PRRC2B: variants seen among roughly 807,000 people sequenced by gnomAD.
The protein encoded by PRRC2B is proline rich coiled-coil 2B, also known as protein PRRC2B.
Under a neutral mutation model 242.3 loss-of-function variants are expected in PRRC2B, and 68 were observed. The ratio of observed to expected loss-of-function variants is 0.28; its 90% CI spans 0.23 to 0.34. PRRC2B has a LOEUF of 0.34. Among genes scored for constraint, PRRC2B ranks in the 10% least tolerant of loss-of-function variants. The pLI is 1.00. For synonymous variants in PRRC2B, 1,228 were observed against 1,173.6 expected (o/e 1.05, Z -0.95); for missense variants, 2,835 against 2,954.8 (o/e 0.96, Z 0.94).
At chr9:131,432,041 A>G (rs1258007138) in intron 2 of PRRC2B, among the ~76,000 whole-genome samples, 15 of 150,828 alleles carry the variant, frequency 9.9e-5, no homozygotes, top group Admixed American at 9.9e-4. Flanking sequence ...CGATCTACCC[A>G]CCTCGGCCTC....
At position 131,483,535 on chromosome 9, in the gene PRRC2B, C is replaced by A. The variant is rs1943933061; in HGVS notation, c.5460+90C>A. On this transcript the variant is annotated intron_variant, in intron 23 of 31. Coordinates refer to ENST00000683519, the MANE Select transcript of PRRC2B (RefSeq NM_013318.4). The stretch of plus-strand genomic sequence containing the variant: ...AGACAGCACATGTATTTCAGGCTGA[C>A]CTGGGCTGGCACGTGACTCAGTTGC... 2.6e-6 allele frequency: 3 copies of A among 1,153,004 alleles called. No individual in the cohort carries two copies. In the East Asian group the frequency reaches 7.0e-5, roughly 27 times the overall value. 71.4% of individuals were successfully genotyped at this position (1,153,004 alleles called of 1,614,324 possible).
intron 1 of PRRC2B, among the ~76,000 whole-genome samples, chr9:131,379,988 A>G (rs1233178821): frequency 1.4e-5 from 2 of 139,320 alleles, no homozygotes; most frequent in East Asian, 4.4e-4. Context: ...ATTTATATAT[A>G]TATAATAATT....
chr9:131,399,922 T>C (rs564042230), intron 1 of PRRC2B, among the ~76,000 whole-genome samples: 174 of 152,308 alleles, frequency 1.1e-3, no homozygotes, highest in Non-Finnish European at 1.1e-3. Flanking sequence ...AGGGAGCATC[T>C]CGGCATGTTA....
At chr9:131,389,221 C>T (rs543376566), upstream of PRRC2B, among the ~76,000 whole-genome samples, 21 of 146,236 alleles carry the variant, frequency 1.4e-4, no homozygotes, top group Admixed American at 2.9e-4. Flanking sequence ...GCTGGGATCA[C>T]GGCTTACCAC....
intron 1 of PRRC2B, among the ~76,000 whole-genome samples, chr9:131,375,561 A>G (rs1427626797): frequency 6.6e-6 from 1 of 152,160 alleles, no homozygotes; most frequent in Non-Finnish European, 1.5e-5. Flanking sequence ...GTTGTCTCAG[A>G]GCAGGTAGGA....
intron 1 of PRRC2B, among the ~76,000 whole-genome samples, chr9:131,387,382 G>A (rs1836839684): frequency 7.5e-6 from 1 of 132,592 alleles, no homozygotes; most frequent in Non-Finnish European, 1.7e-5. Flanking sequence ...GATTAAGGGT[G>A]GGTCTGCCTT....
chr9:131,443,259 G>A (rs1369617457), intron 5 of PRRC2B, among the ~76,000 whole-genome samples: 4 of 151,142 alleles, frequency 2.6e-5, no homozygotes, highest in Non-Finnish European at 4.4e-5. Context: ...TCAGCCTCCC[G>A]AGTAGCTGGG....
rs552751144 is a variant in PRRC2B, at chr9:131,467,298, G to T, written c.1721-265G>T. Among the ~76,000 whole-genome samples the T allele has an allele frequency of 3.3e-5, 5 of 152,114 alleles. No homozygotes were observed. In the East Asian group the frequency reaches 5.8e-4, roughly 18 times the overall value. The stretch of plus-strand genomic sequence containing the variant: ...TCACATCTCAGCTCTGCCACTGACC[G>T]TGTGACCCTGGACGTCATCTAACCT... On this transcript the variant is annotated intron_variant, in intron 12 of 31. Transcript: ENST00000683519.
intron 15 of PRRC2B, 25 bp downstream of exon 15, chr9:131,473,749 C>T (rs768267074): frequency 1.9e-6 from 3 of 1,586,822 alleles, no homozygotes; most frequent in South Asian, 2.2e-5. Flanking sequence ...GGTCCTGCTG[C>T]CTTGCCACTG....
At position 131,492,369 on chromosome 9, in the gene PRRC2B, T is replaced by C. The variant is rs1944220824; in HGVS notation, c.6473+109T>C. ...CCAGGGAGAGCCGCCAGAGACCTGG[T>C]CCCTCTATGGGCCATGTGTCACTGT... On this transcript the variant is annotated intron_variant, in intron 30 of 31. Coordinates refer to ENST00000683519, the MANE Select transcript of PRRC2B (RefSeq NM_013318.4). The C allele has an allele frequency of 7.5e-6, 6 of 799,084 alleles. No individual in the cohort carries two copies. In the East Asian group the frequency reaches 1.5e-4, roughly 20 times the overall value. The allele number at this position is 799,084 out of a possible 1,614,324, so 49.5% of individuals were successfully genotyped here. A position where few individuals can be genotyped will look rare whatever the true frequency, so the allele number is the denominator to read the frequency against.
At chr9:131,447,844 A>G (rs1477847543) in intron 9 of PRRC2B, 40 bp downstream of exon 9, 3 of 1,589,924 alleles carry the variant, frequency 1.9e-6, no homozygotes, top group Middle Eastern at 2.1e-4. Context: ...GGGCAGGACC[A>G]AAGTCCATAT....
Position 131,493,875 on chromosome 9 carries a change from T to A in PRRC2B, c.6474-530T>A, listed in dbSNP as rs75541458. Among the ~76,000 whole-genome samples the A allele has an allele frequency of 1.7e-4, 26 of 152,230 alleles. No homozygotes were observed. In the East Asian group the frequency reaches 5.0e-3, roughly 29 times the overall value. ...TAGGCTTTTTGACCGCAGACTTTTT[T>A]TTTTTCCACGTAGCACCTAATTAAC... On this transcript the variant is annotated intron_variant, in intron 30 of 31. Transcript: ENST00000683519.
chr9:131,399,181 G>C (rs1459782627), intron 1 of PRRC2B, among the ~76,000 whole-genome samples: 3 of 150,644 alleles, frequency 2.0e-5, no homozygotes, highest in Non-Finnish European at 4.4e-5. Flanking sequence ...GAGGGGTGAG[G>C]CTGGAGAATC....
chr9:131,380,344 G>A (rs372897382), intron 1 of PRRC2B, among the ~76,000 whole-genome samples: 1 of 151,912 alleles, frequency 6.6e-6, no homozygotes, highest in African/African-American at 2.4e-5. Flanking sequence ...TTGCGAGGCC[G>A]AGGCGAGCAG....
chr9:131,426,361 GAA>G (rs1393762599), intron 1 of PRRC2B, among the ~76,000 whole-genome samples: 3 of 131,896 alleles, frequency 2.3e-5, no homozygotes, highest in Admixed American at 2.2e-4. Context: ...AAAAAAAAAA[GAA>G]AAAGAAAAAA....
At chr9:131,479,059 C>A (rs1943785753) in intron 18 of PRRC2B, among the ~76,000 whole-genome samples, 193 bp from the exon 19 acceptor site, 1 of 152,118 alleles carries the variant, frequency 6.6e-6, no homozygotes, top group Non-Finnish European at 1.5e-5. Context: ...GTCCGTTGGC[C>A]TTTCAGGTCT....
intron 16 of PRRC2B, 66 bp downstream of exon 16, chr9:131,476,601 CGCATGCATGCCGAT>C (rs1476644969): frequency 2.1e-6 from 3 of 1,428,476 alleles, no homozygotes; most frequent in Admixed American, 4.8e-5. Context: ...ACTGAGTTCA[CGCATGCATGCCGAT>C]GCCGCCGTGT....
rs752041569 is a variant in PRRC2B, at chr9:131,482,335, A to C, written c.4984-36A>C. ...TTACTCTCTGGATAATCGAGTTGGG[A>C]GTTTGAGGCTATAACCCATTTTGTG... On this transcript the variant is annotated intron_variant, in intron 20 of 31. Coordinates refer to ENST00000683519, the MANE Select transcript of PRRC2B (RefSeq NM_013318.4). The surrounding 1 kb of genome is among the most constrained non-coding windows in gnomAD (Gnocchi z 5.2). 16 of 1,522,270 alleles carry C rather than the reference A, an allele frequency of 1.1e-5. No individual in the cohort carries two copies. Among genetic ancestry groups the C allele is most frequent in the Non-Finnish European group, 1.3e-5 (15 of 1,131,066 alleles). 94.3% of individuals were successfully genotyped at this position (1,522,270 alleles called of 1,614,324 possible). A position where few individuals can be genotyped will look rare whatever the true frequency, so the allele number is the denominator to read the frequency against.
At chr9:131,430,060 C>CT (rs112930686) in intron 1 of PRRC2B, 34 bp from the exon 2 acceptor site, 28,493 of 460,132 alleles carry the variant, frequency 0.062, 46 homozygotes, top group East Asian at 0.075. Context: ...TTTTCTCTCT[C>CT]TTTTTTTTTT....
Sources: gnomAD v4.1 joint callset for allele counts (sites outside exome capture counted in the v4.1 genomes callset) on GRCh38, gnomAD v4.1.1 for gene constraint, Gnocchi (gnomAD v3.1) non-coding constraint, MANE v1.5 for transcripts, NCBI Gene and HGNC (gene_info 2026-07-23, HGNC 2026-07-21) for gene names.